SLC37A1: variants seen among roughly 807,000 people sequenced by gnomAD.
SLC37A1 encodes glucose-6-phosphate exchanger SLC37A1.
A neutral mutation model predicts 75.3 loss-of-function variants in SLC37A1; 49 were observed. The ratio of observed to expected loss-of-function variants is 0.65; its 90% confidence interval spans 0.52 to 0.83. The LOEUF (loss-of-function observed/expected upper bound fraction) is 0.83. SLC37A1 is among the 40% of genes least tolerant of loss of function. The pLI, the probability that SLC37A1 is intolerant of heterozygous loss-of-function variation, is 0.00. For missense variants in SLC37A1, 566 were observed against 695.0 expected, an observed-to-expected ratio of 0.81 and a Z score of 2.09; for synonymous variants, 268 against 292.1, an observed-to-expected ratio of 0.92 and a Z score of 0.84.
At chr21:42,530,812 A>G (rs1392325591) in intron 3 of SLC37A1, among the ~76,000 whole-genome samples, 4 of 151,774 alleles carry the variant, frequency 2.6e-5, no homozygotes, top group African/African-American at 9.7e-5. Context: ...AATCTCCTCT[A>G]TTGGAGGCCA....
intron 5 of SLC37A1, among the ~76,000 whole-genome samples, chr21:42,535,788 A>G (rs146610932): frequency 1.3e-3 from 200 of 152,300 alleles, no homozygotes; most frequent in African/African-American, 4.5e-3. Flanking sequence ...CACTGTGCCA[A>G]TTGACACAGG....
chr21:42,564,425 G>A (rs545504197), intron 13 of SLC37A1, among the ~76,000 whole-genome samples: 2 of 152,094 alleles, frequency 1.3e-5, no homozygotes, highest in African/African-American at 4.8e-5. Context: ...ATGTCTCCTG[G>A]GCAGGTGACA....
upstream of SLC37A1, among the ~76,000 whole-genome samples, chr21:42,510,883 C>A (rs139843501): frequency 3.0e-4 from 46 of 152,210 alleles, no homozygotes; most frequent in African/African-American, 1.0e-3. Flanking sequence ...AGAGAAATAG[C>A]AATACAGTAA....
intron 6 of SLC37A1, among the ~76,000 whole-genome samples, chr21:42,540,964 G>C (rs1419953017): frequency 6.6e-6 from 1 of 152,226 alleles, no homozygotes; most frequent in Admixed American, 6.5e-5. Flanking sequence ...AGTTAGACCA[G>C]CGGCTCCCAG....
chr21:42,506,981 C>A (rs2054389555), intron 2 of SLC37A1, among the ~76,000 whole-genome samples: 1 of 152,170 alleles, frequency 6.6e-6, no homozygotes, highest in Non-Finnish European at 1.5e-5. Flanking sequence ...CTCCTGGGTT[C>A]AAACAATTCT....
intron 10 of SLC37A1, among the ~76,000 whole-genome samples, chr21:42,556,852 A>G (rs7280890): frequency 0.14 from 21,497 of 152,086 alleles, 2,191 homozygotes; most frequent in African/African-American, 0.28. Flanking sequence ...CAAACAACTC[A>G]GGTATGGTGG....
intron 6 of SLC37A1, among the ~76,000 whole-genome samples, chr21:42,540,901 C>T (rs900580421): frequency 1.3e-5 from 2 of 152,164 alleles, no homozygotes; most frequent in African/African-American, 4.8e-5. Flanking sequence ...TTTCCAGAGT[C>T]CCAGCATGTT....
At chr21:42,565,792 G>T (rs565399635) in intron 14 of SLC37A1, 35 bp from the exon 15 acceptor site, 1 of 1,603,694 alleles carries the variant, frequency 6.2e-7, no homozygotes. Flanking sequence ...CTTGCAGCCA[G>T]CCATGGCTTT....
chr21:42,568,286 A>G (rs2056031788), intron 16 of SLC37A1, 74 bp from the exon 17 acceptor site: 1 of 1,186,152 alleles, frequency 8.4e-7, no homozygotes, highest in African/African-American at 1.5e-5. Flanking sequence ...GTTTGAGTAA[A>G]TGGTCATACA....
At chr21:42,530,425 C>G (rs1419331830) in intron 3 of SLC37A1, among the ~76,000 whole-genome samples, 1 of 152,208 alleles carries the variant, frequency 6.6e-6, no homozygotes, top group South Asian at 2.1e-4. Flanking sequence ...TGGCTGGTCG[C>G]TCCTACTTTT....
upstream of SLC37A1, among the ~76,000 whole-genome samples, chr21:42,510,370 C>T (rs2054422404): frequency 1.3e-5 from 2 of 152,092 alleles, no homozygotes; most frequent in South Asian, 4.1e-4. Flanking sequence ...AAACAAAAAC[C>T]TGCAGCAGAT....
intron 8 of SLC37A1, 112 bp from the exon 9 acceptor site, chr21:42,546,991 G>A (rs1451031877): frequency 1.4e-5 from 17 of 1,250,980 alleles, no homozygotes; most frequent in Admixed American, 6.8e-5. Flanking sequence ...CCTGCATACA[G>A]TCCAGTTTCA....
chr21:42,555,683 C>T (rs1193937751), intron 10 of SLC37A1, among the ~76,000 whole-genome samples: 3 of 152,256 alleles, frequency 2.0e-5, no homozygotes, highest in Admixed American at 2.0e-4. Flanking sequence ...ACCACAGGCC[C>T]TTTCTTCTGG....
Position 42,565,775 on chromosome 21 carries a change from C to T in SLC37A1, c.1222-52C>T, listed in dbSNP as rs188950297. On this transcript the variant is annotated intron_variant, in intron 14 of 19. Transcript: ENST00000352133. ...TTGAGAAGTAGATTTCCAGCAATCT[C>T]GCACTGCTTGCAGCCAGCCATGGCT... is the stretch of plus-strand genomic sequence containing the variant. 6.7e-5 allele frequency: 104 copies of T among 1,546,908 alleles called. 3 individuals carry two copies. In the Admixed American group the frequency reaches 1.3e-3, roughly 19 times the overall value.
rs752761459 is a variant in SLC37A1 at position 42,580,378 on chromosome 21, G to A, written c.*18G>A. On this transcript the variant is annotated 3_prime_UTR_variant, in exon 20 of 20. Coordinates refer to ENST00000352133, the MANE Select transcript of SLC37A1 (RefSeq NM_001320537.2). ...AACAGTGACACCCCACCCCAGTCCC[G>A]TGGAGGGGGTCTGGGCCCACCCTTC... 80 of 1,612,466 alleles carry A rather than the reference G, an allele frequency of 5.0e-5. No individual in the cohort carries two copies. Among genetic ancestry groups the A allele is most frequent in the East Asian group, 8.9e-5 (4 of 44,876 alleles).
chr21:42,529,395 T>C (rs570826941), intron 3 of SLC37A1, among the ~76,000 whole-genome samples: 12 of 151,894 alleles, frequency 7.9e-5, no homozygotes, highest in Non-Finnish European at 1.6e-4. Context: ...CTCTACTAAA[T>C]GTACAAAAGT....
chr21:42,538,084 C>G (rs1359229431), intron 5 of SLC37A1, among the ~76,000 whole-genome samples: 1 of 152,146 alleles, frequency 6.6e-6, no homozygotes, highest in East Asian at 1.9e-4. Flanking sequence ...CAAAGTAGGC[C>G]CAAATCATAT....
At chr21:42,571,514 C>T (rs1042526684) in intron 17 of SLC37A1, among the ~76,000 whole-genome samples, 2 of 152,184 alleles carry the variant, frequency 1.3e-5, no homozygotes, top group Non-Finnish European at 2.9e-5. Flanking sequence ...TGTTGTACAG[C>T]GGCGTTCCGT....
At chr21:42,510,590 TA>T (rs767839111), upstream of SLC37A1, among the ~76,000 whole-genome samples, 197 of 145,910 alleles carry the variant, frequency 1.4e-3, no homozygotes, top group Middle Eastern at 3.6e-3. Context: ...GAATGGATAT[TA>T]AAAAAAAAAA....
Sources: allele counts gnomAD v4.1 joint callset (sites outside exome capture counted in the v4.1 genomes callset), GRCh38; gene constraint gnomAD v4.1.1; transcripts MANE v1.5; gene names NCBI Gene and HGNC (gene_info 2026-07-23, HGNC 2026-07-21).